Variants in NFIA observed in about 807,000 individuals in gnomAD.
NFIA encodes nuclear factor 1 A-type.
NFIA carries 8 observed loss-of-function variants against 62.8 expected under a neutral mutation model. That is an observed-to-expected ratio of 0.13 (90% CI 0.07 to 0.23). The LOEUF (loss-of-function observed/expected upper bound fraction) is 0.23, where lower values mean the gene tolerates loss of function less well. Ranked by LOEUF, NFIA falls within the 10% of genes least tolerant of loss-of-function variation. The pLI is 1.00. For synonymous variants in NFIA, 235 were observed against 238.1 expected (o/e 0.99, Z 0.12); for missense variants, 410 against 642.1 (o/e 0.64, Z 3.91).
At chr1:61,078,120 T>C (rs773022119), upstream of NFIA, among the ~76,000 whole-genome samples, 2 of 152,046 alleles carry the variant, frequency 1.3e-5, no homozygotes, top group African/African-American at 4.8e-5. Flanking sequence ...GGGTGTACAA[T>C]AGTTCTCAAT....
At chr1:61,217,328 A>G (rs1049288229) in intron 2 of NFIA, among the ~76,000 whole-genome samples, 6 of 151,796 alleles carry the variant, frequency 4.0e-5, no homozygotes, top group Non-Finnish European at 8.8e-5. Context: ...TTGGCCTCCC[A>G]AAGTGCTGGG....
At chr1:61,132,222 A>G (rs898653751) in intron 2 of NFIA, among the ~76,000 whole-genome samples, 3 of 152,118 alleles carry the variant, frequency 2.0e-5, no homozygotes, top group Admixed American at 2.0e-4. Context: ...TCAGCACTGA[A>G]CGTCAAGCCA....
At chr1:61,404,307 T>C (rs778830570) in intron 8 of NFIA, 25 bp downstream of exon 8, 1 of 1,578,680 alleles carries the variant, frequency 6.3e-7, no homozygotes, top group Admixed American at 1.9e-5. Context: ...TTTTTTCCAT[T>C]TCTTTAGAAA....
intron 2 of NFIA, among the ~76,000 whole-genome samples, chr1:61,210,596 A>G (rs531598184): frequency 2.6e-5 from 4 of 152,146 alleles, no homozygotes; most frequent in Non-Finnish European, 4.4e-5. Context: ...TGGCCCATGC[A>G]TCTCTGACAG....
intron 2 of NFIA, among the ~76,000 whole-genome samples, chr1:61,104,609 A>G (rs1005291896): frequency 1.1e-4 from 17 of 152,006 alleles, no homozygotes; most frequent in African/African-American, 3.6e-4. Context: ...TACAGCATTC[A>G]TGATTTTATT....
At chr1:61,311,021 T>G (rs542530547) in intron 3 of NFIA, among the ~76,000 whole-genome samples, 1 of 152,216 alleles carries the variant, frequency 6.6e-6, no homozygotes, top group East Asian at 1.9e-4. Context: ...CCTTGGTGTG[T>G]TTTAGGGAAA....
intron 7 of NFIA, among the ~76,000 whole-genome samples, chr1:61,392,827 A>C (rs1665048864): frequency 6.6e-6 from 1 of 152,230 alleles, no homozygotes; most frequent in African/African-American, 2.4e-5. Context: ...TAGGGTGATG[A>C]ACCCAGGGGA....
intron 5 of NFIA, among the ~76,000 whole-genome samples, chr1:61,356,745 G>A (rs1459568108): frequency 1.3e-5 from 2 of 152,214 alleles, no homozygotes; most frequent in African/African-American, 4.8e-5. Context: ...TTTCCTTTGA[G>A]TACTAAGCTA....
At chr1:61,175,992 G>A (rs1650315721) in intron 2 of NFIA, among the ~76,000 whole-genome samples, 1 of 152,214 alleles carries the variant, frequency 6.6e-6, no homozygotes, top group Non-Finnish European at 1.5e-5. Context: ...CCCCATCAAA[G>A]CCAAGTTGCA....
intron 2 of NFIA, among the ~76,000 whole-genome samples, chr1:61,119,908 C>G (rs374332686): frequency 2.6e-5 from 4 of 152,158 alleles, no homozygotes; most frequent in East Asian, 1.9e-4. Flanking sequence ...GTCTTACCAA[C>G]TTTGATATTG....
chr1:61,269,982 A>G (rs754786109), intron 2 of NFIA, among the ~76,000 whole-genome samples: 10 of 152,250 alleles, frequency 6.6e-5, no homozygotes, highest in Non-Finnish European at 1.2e-4. Flanking sequence ...GGAATAAACA[A>G]CGGCAAGCTG....
At chr1:61,082,899 C>A in intron 1 of NFIA, 81 bp downstream of exon 1, 1 of 1,279,806 alleles carries the variant, frequency 7.8e-7, no homozygotes, top group Non-Finnish European at 1.0e-6. Flanking sequence ...GGCACCGGGG[C>A]CGTCGCTCCG....
intron 3 of NFIA, among the ~76,000 whole-genome samples, chr1:61,331,722 G>A (rs1357815224): frequency 1.3e-5 from 2 of 152,064 alleles, no homozygotes; most frequent in East Asian, 3.8e-4. Context: ...TAGATTATGT[G>A]TTCCTTGTCA....
At chr1:61,403,606 A>G (rs534811004) in intron 7 of NFIA, among the ~76,000 whole-genome samples, 38 of 152,344 alleles carry the variant, frequency 2.5e-4, no homozygotes, top group African/African-American at 8.9e-4. Flanking sequence ...CATTTACTAC[A>G]TACTTCAAAA....
chr1:61,381,304 AT>A (rs960153714), intron 6 of NFIA, among the ~76,000 whole-genome samples: 4 of 151,760 alleles, frequency 2.6e-5, no homozygotes, highest in African/African-American at 9.7e-5. Flanking sequence ...TATTTCTTTC[AT>A]TTTTTTTATT....
chr1:61,360,752 A>C (rs539638112), intron 6 of NFIA, among the ~76,000 whole-genome samples: 1 of 152,236 alleles, frequency 6.6e-6, no homozygotes. Context: ...ACAGTAATCT[A>C]TACAATCGTT....
chr1:61,415,421 A>G (rs1666304257), intron 9 of NFIA, among the ~76,000 whole-genome samples: 1 of 152,180 alleles, frequency 6.6e-6, no homozygotes, highest in Admixed American at 6.5e-5. Context: ...ATAGAAAAAA[A>G]ATTGTAACAG....
intron 6 of NFIA, among the ~76,000 whole-genome samples, chr1:61,378,608 C>T (rs1177469289): frequency 1.3e-5 from 2 of 152,284 alleles, no homozygotes; most frequent in East Asian, 3.9e-4. Flanking sequence ...AAGCAACACA[C>T]AGTTATTAAT....
chr1:61,184,315 C>A (rs112976687), intron 2 of NFIA, among the ~76,000 whole-genome samples: 1 of 152,206 alleles, frequency 6.6e-6, no homozygotes, highest in African/African-American at 2.4e-5. Flanking sequence ...GCCAATCAGC[C>A]GGCAGTGCCA....
Sources: gnomAD v4.1 joint callset for allele counts (sites outside exome capture counted in the v4.1 genomes callset) on GRCh38, gnomAD v4.1.1 for gene constraint, MANE v1.5 for transcripts, NCBI Gene and HGNC (gene_info 2026-07-23, HGNC 2026-07-21) for gene names.